The following RUNDC3B variants were observed in gnomAD, a reference collection of about 807,000 sequenced individuals.
RUNDC3B encodes the protein RUN domain-containing protein 3B.
A neutral mutation model predicts 58.4 loss-of-function variants in RUNDC3B; 33 were observed. That is an observed-to-expected ratio of 0.56 (90% CI 0.43 to 0.75). RUNDC3B has a LOEUF of 0.75. Among genes scored for constraint, RUNDC3B ranks in the 30% least tolerant of loss-of-function variants. RUNDC3B has a pLI of 0.00. For missense variants in RUNDC3B, 501 were observed against 535.7 expected, an observed-to-expected ratio of 0.94 and a Z score of 0.64; for synonymous variants, 193 against 195.2, an observed-to-expected ratio of 0.99 and a Z score of 0.10.
intron 6 of RUNDC3B, among the ~76,000 whole-genome samples, chr7:87,749,917 G>A (rs1354661880): frequency 6.6e-6 from 1 of 151,272 alleles, no homozygotes; most frequent in East Asian, 1.9e-4. Flanking sequence ...TAGGGTACAT[G>A]TGCACAATGT....
At chr7:87,638,229 TTTGCATATTTATTCATGG>T (rs1396469577) in intron 1 of RUNDC3B, among the ~76,000 whole-genome samples, 1 of 152,172 alleles carries the variant, frequency 6.6e-6, no homozygotes, top group Non-Finnish European at 1.5e-5. Flanking sequence ...TTTTGGGATT[TTTGCATATTTATTCATGG>T]TAGAGATTGG....
chr7:87,756,841 G>A (rs905691275), intron 6 of RUNDC3B, among the ~76,000 whole-genome samples: 2 of 151,898 alleles, frequency 1.3e-5, no homozygotes, highest in Admixed American at 6.6e-5. Context: ...TATGTTATGT[G>A]GAATATGCAC....
chr7:87,747,647 G>A (rs1411208139), intron 6 of RUNDC3B, among the ~76,000 whole-genome samples: 2 of 152,054 alleles, frequency 1.3e-5, no homozygotes, highest in East Asian at 1.9e-4. Flanking sequence ...CTCCTTGGGC[G>A]GGTCTTGCTA....
chr7:87,783,306 C>T (rs1278476619), intron 8 of RUNDC3B, among the ~76,000 whole-genome samples: 2 of 151,882 alleles, frequency 1.3e-5, no homozygotes, highest in Non-Finnish European at 2.9e-5. Flanking sequence ...ATGCTTTATC[C>T]GATATAAGAA....
intron 6 of RUNDC3B, among the ~76,000 whole-genome samples, chr7:87,755,557 G>C (rs1341609325): frequency 2.0e-5 from 3 of 151,362 alleles, no homozygotes; most frequent in Non-Finnish European, 4.4e-5. Flanking sequence ...TCAGTGCAAG[G>C]TTGGTTCAAC....
At chr7:87,712,878 C>T (rs991496387) in intron 4 of RUNDC3B, among the ~76,000 whole-genome samples, 1 of 151,876 alleles carries the variant, frequency 6.6e-6, no homozygotes, top group South Asian at 2.1e-4. Flanking sequence ...ACACATTTAT[C>T]GAATAATAGG....
At chr7:87,773,277 C>T (rs1285787121) in intron 7 of RUNDC3B, among the ~76,000 whole-genome samples, 1 of 147,076 alleles carries the variant, frequency 6.8e-6, no homozygotes, top group Admixed American at 6.8e-5. Flanking sequence ...GAGCGGAGAT[C>T]GCGCCACTGC....
chr7:87,764,042 T>C (rs369254031), intron 6 of RUNDC3B, among the ~76,000 whole-genome samples: 4 of 151,998 alleles, frequency 2.6e-5, no homozygotes, highest in East Asian at 1.9e-4. Context: ...CATGTCTTTC[T>C]GGTATTTTCT....
At chr7:87,684,583 C>T (rs1314954289) in intron 2 of RUNDC3B, among the ~76,000 whole-genome samples, 2 of 151,628 alleles carry the variant, frequency 1.3e-5, no homozygotes, top group African/African-American at 2.4e-5. Flanking sequence ...CCCATCTCTA[C>T]TAAAAATACA....
intron 1 of RUNDC3B, among the ~76,000 whole-genome samples, chr7:87,650,037 G>A (rs1823422169): frequency 6.6e-6 from 1 of 152,096 alleles, no homozygotes; most frequent in Non-Finnish European, 1.5e-5. Flanking sequence ...TATTAGCAGT[G>A]TGAAAACAGA....
At chr7:87,631,400 T>C (rs1289573568) in intron 1 of RUNDC3B, among the ~76,000 whole-genome samples, 1 of 152,222 alleles carries the variant, frequency 6.6e-6, no homozygotes, top group Middle Eastern at 3.2e-3. Flanking sequence ...TTTTTATTTA[T>C]TTATTTTTGA....
At chr7:87,729,460 G>A (rs146937326) in intron 4 of RUNDC3B, among the ~76,000 whole-genome samples, 1,738 of 152,240 alleles carry the variant, frequency 0.011, 40 homozygotes, top group African/African-American at 0.04. Flanking sequence ...CTTGACGTTG[G>A]AACTCAGTAC....
At chr7:87,788,412 AT>A (rs1457580025) in intron 8 of RUNDC3B, among the ~76,000 whole-genome samples, 1 of 152,192 alleles carries the variant, frequency 6.6e-6, no homozygotes, top group Non-Finnish European at 1.5e-5. Context: ...TGGTTAGAAT[AT>A]TTAAGTATTG....
intron 2 of RUNDC3B, chr7:87,693,972 G>A (rs1828255322): frequency 6.2e-7 from 1 of 1,611,390 alleles, no homozygotes; most frequent in Non-Finnish European, 8.5e-7. Flanking sequence ...CTCTATGCTG[G>A]TGATGTCTCC....
intron 6 of RUNDC3B, among the ~76,000 whole-genome samples, chr7:87,743,866 C>A (rs1279781401): frequency 6.6e-6 from 1 of 152,130 alleles, no homozygotes; most frequent in Admixed American, 6.5e-5. Flanking sequence ...CTTTTGAGTT[C>A]ATGGTCATGA....
At chr7:87,725,302 C>G (rs1326366271) in intron 4 of RUNDC3B, among the ~76,000 whole-genome samples, 1 of 152,178 alleles carries the variant, frequency 6.6e-6, no homozygotes, top group African/African-American at 2.4e-5. Context: ...CAAGCATTCT[C>G]ATTGTTCAAT....
intron 6 of RUNDC3B, among the ~76,000 whole-genome samples, chr7:87,745,210 T>G (rs1832579253): frequency 6.6e-6 from 1 of 152,176 alleles, no homozygotes; most frequent in Non-Finnish European, 1.5e-5. Context: ...GTTGTTGGAT[T>G]CAGTTAGCTA....
At chr7:87,757,271 A>G (rs1833425492) in intron 6 of RUNDC3B, among the ~76,000 whole-genome samples, 1 of 152,086 alleles carries the variant, frequency 6.6e-6, no homozygotes, top group African/African-American at 2.4e-5. Context: ...CTTGATTTTT[A>G]CTTTCTATAA....
chr7:87,693,963 T>A, intron 2 of RUNDC3B: 3 of 1,611,946 alleles, frequency 1.9e-6, no homozygotes, highest in Non-Finnish European at 2.5e-6. Flanking sequence ...TTCAAGGTAC[T>A]CTATGCTGGT....
Sources: gnomAD v4.1 joint callset for allele counts (sites outside exome capture counted in the v4.1 genomes callset) on GRCh38, gnomAD v4.1.1 for gene constraint, MANE v1.5 for transcripts, NCBI Gene and HGNC (gene_info 2026-07-23, HGNC 2026-07-21) for gene names.